The following SHMT2 variants were observed in gnomAD, a reference collection of about 807,000 sequenced individuals.
SHMT2 encodes serine hydroxymethyltransferase, mitochondrial.
Under a neutral mutation model 59.6 loss-of-function variants are expected in SHMT2, and 38 were observed. The observed-to-expected ratio is 0.64, with a 90% confidence interval of 0.49 to 0.84. SHMT2 has a LOEUF of 0.84. Among genes scored for constraint, SHMT2 ranks in the 40% least tolerant of loss-of-function variants. The pLI is 0.00. For missense variants in SHMT2, 533 were observed against 659.5 expected, an observed-to-expected ratio of 0.81 and a Z score of 2.10; for synonymous variants, 254 against 258.1, an observed-to-expected ratio of 0.98 and a Z score of 0.15.
In SHMT2 at chr12:57,233,568, C is replaced by T. The variant is rs1233583794; in HGVS notation, c.1029C>T (p.Cys343=). The part of the protein sequence containing the change: ...AAVAVALKQA[C]TPMFREYSLQ... ...TGCTACTGTCTCATCTCCAGGCCTG[C>T]ACCCCCATGTTCCGGGAGTACTCCC... The change falls in exon 9 of 12, where the codon TGC becomes TGT. Residue 343 remains cysteine (C), a synonymous_variant. Coordinates refer to ENST00000328923, the MANE Select transcript of SHMT2 (RefSeq NM_005412.6). 5 of 1,612,972 alleles carry T rather than the reference C, an allele frequency of 3.1e-6. No homozygotes were observed. The highest frequency in any genetic ancestry group is 4.2e-6 in the Non-Finnish European group (5 of 1,179,400).
At chr12:57,231,655 C>T (rs978885937) in intron 3 of SHMT2, 58 bp from the exon 4 acceptor site, 10 of 1,612,224 alleles carry the variant, frequency 6.2e-6, no homozygotes, top group Non-Finnish European at 8.5e-6. Context: ...CTTCCCAGTC[C>T]TTTGCTGATG....
intron 1 of SHMT2, chr12:57,230,300 C>G: frequency 8.6e-7 from 1 of 1,156,132 alleles, no homozygotes; most frequent in African/African-American, 1.6e-5. Flanking sequence ...AGATCCCCAC[C>G]CCCACCACTC....
At position 57,231,453 on chromosome 12, in the gene SHMT2, C is replaced by T. The variant is rs748170579; in HGVS notation, c.232-28C>T. On this transcript the variant is annotated intron_variant, in intron 2 of 11. Coordinates refer to ENST00000328923, the MANE Select transcript of SHMT2 (RefSeq NM_005412.6). Reference sequence around the variant, plus strand: ...GAGTCCAGGGGAAGGGGCTCAATACCTTCTGACATTGCCCCCCACCACCCC... The same window carrying T: ...GAGTCCAGGGGAAGGGGCTCAATACTTTCTGACATTGCCCCCCACCACCCC... 5 of 1,610,774 alleles carry T rather than the reference C, an allele frequency of 3.1e-6. No individual in the cohort carries two copies. In the South Asian group the frequency reaches 5.5e-5, roughly 18 times the overall value.
chr12:57,234,012 C>A lies in SHMT2; in HGVS notation c.1289C>A (p.Ala430Asp). 6.2e-7 allele frequency: 1 copy of A among 1,614,190 alleles called. No individual in the cohort carries two copies. Among genetic ancestry groups the A allele is most frequent in the Non-Finnish European group, 8.5e-7 (1 of 1,180,036 alleles). Reference sequence around the variant, plus strand: ...TTGTGCCTCGTTCCAGGGGCCCCAGCCTTAACTTCTCGACAGTTCCGTGAG... The same window carrying A: ...TTGTGCCTCGTTCCAGGGGCCCCAGACTTAACTTCTCGACAGTTCCGTGAG... Reference protein sequence around the residue: ...TPGGLRLGAPALTSRQFREDD... With the variant: ...TPGGLRLGAPDLTSRQFREDD... The change falls in exon 11 of 12, where the codon GCC (alanine) becomes GAC (aspartate). Residue 430 changes from alanine (A) to aspartate (D), a missense_variant. Transcript: ENST00000328923.
chr12:57,233,077 C>A, intron 7 of SHMT2, 103 bp from the exon 8 acceptor site: 1 of 1,377,802 alleles, frequency 7.3e-7, no homozygotes, highest in Non-Finnish European at 9.8e-7. Flanking sequence ...ACCAAGCCCA[C>A]GTGAGCTGTG....
rs866649122 is a variant in SHMT2 at position 57,233,887 on chromosome 12, C to T, written c.1262C>T (p.Pro421Leu). 17 of 1,614,180 alleles carry T rather than the reference C, an allele frequency of 1.1e-5. No individual in the cohort carries two copies. Among genetic ancestry groups the T allele is most frequent in the East Asian group, 2.2e-5 (1 of 44,882 alleles). The change falls in exon 10 of 12, where the codon CCG becomes CTG. Residue 421 changes from proline to leucine, a missense_variant. Coordinates refer to ENST00000328923, the MANE Select transcript of SHMT2 (RefSeq NM_005412.6). Reference protein sequence around the residue: ...TCPGDRSAITPGGLRLGAPAL... With the variant: ...TCPGDRSAITLGGLRLGAPAL... ...CCTGGAGACCGAAGTGCCATCACAC[C>T]GGGCGGCCTGCGGCTTGGTGAGACC... is the stretch of plus-strand genomic sequence containing the variant.
At chr12:57,232,025 C>T in intron 4 of SHMT2, 112 bp downstream of exon 4, 2 of 1,256,928 alleles carry the variant, frequency 1.6e-6, no homozygotes, top group Admixed American at 2.0e-5. Context: ...CTTGCCCTGT[C>T]CTGCATGTCA....
chr12:57,233,025 G>A, intron 7 of SHMT2, 155 bp from the exon 8 acceptor site: 1 of 1,223,406 alleles, frequency 8.2e-7, no homozygotes, highest in Non-Finnish European at 1.1e-6. Flanking sequence ...ATTTGTGGAT[G>A]GGATTGAGGG....
At position 57,233,325 on chromosome 12, in the gene SHMT2, G is replaced by A; in HGVS notation, c.1003G>A (p.Val335Ile). 3 of 1,600,674 alleles carry A rather than the reference G, an allele frequency of 1.9e-6. No homozygotes were observed. The highest frequency in any genetic ancestry group is 2.6e-6 in the Non-Finnish European group (3 of 1,173,800). Residue 335 changes from valine (V) to isoleucine (I), a missense_variant, in exon 8 of 12, where the codon GTA becomes ATA. By Grantham distance (29) the Val-to-Ile change is conservative. Coordinates refer to ENST00000328923, the MANE Select transcript of SHMT2 (RefSeq NM_005412.6). Reference sequence around the variant, plus strand: ...CCCCCACAATCATGCCATTGCTGCAGTAGCTGTGGCCCTAAAGCAGGTTGG... The same window carrying A: ...CCCCCACAATCATGCCATTGCTGCAATAGCTGTGGCCCTAAAGCAGGTTGG... ...GGPHNHAIAA[V>I]AVALKQACTP...
At chr12:57,233,418 G>T in intron 8 of SHMT2, 73 bp downstream of exon 8, 1 of 1,521,204 alleles carries the variant, frequency 6.6e-7, no homozygotes, top group Non-Finnish European at 8.9e-7. Context: ...CTTGCTAACT[G>T]ATGCTGGGGC....
intron 4 of SHMT2, 97 bp downstream of exon 4, chr12:57,232,010 C>T: frequency 7.4e-7 from 1 of 1,351,280 alleles, no homozygotes. Flanking sequence ...ACAGATGGAA[C>T]AGGCCTTGCC....
intron 2 of SHMT2, 43 bp from the exon 3 acceptor site, chr12:57,231,438 G>C: frequency 6.3e-7 from 1 of 1,598,810 alleles, no homozygotes; most frequent in Non-Finnish European, 8.6e-7. Flanking sequence ...GAGTCCAGGG[G>C]AAGGGGCTCA....
Position 57,232,307 on chromosome 12 carries a change from G to T in SHMT2, c.594+15G>T, listed in dbSNP as rs1321431320. On this transcript the variant is annotated intron_variant, in intron 5 of 11. Transcript: ENST00000328923. ...ATAAGCTCAACGTGAGTGCTCTAGG[G>T]TGTGGGGAGGGGCTCTTGGCCCTGG... is the stretch of plus-strand genomic sequence containing the variant. 1 of 1,613,636 alleles carries T rather than the reference G, an allele frequency of 6.2e-7. No individual in the cohort carries two copies. Among genetic ancestry groups the T allele is most frequent in the Non-Finnish European group, 8.5e-7 (1 of 1,179,524 alleles).
In SHMT2 at chr12:57,231,475, C is replaced by T. The variant is rs200344390; in HGVS notation, c.232-6C>T. On this transcript the variant is annotated splice_polypyrimidine_tract_variant and splice_region_variant and intron_variant, in intron 2 of 11. Coordinates refer to ENST00000328923, the MANE Select transcript of SHMT2 (RefSeq NM_005412.6). Reference sequence around the variant, plus strand: ...TACCTTCTGACATTGCCCCCCACCACCCCAGAACTTCTGCAGCCGAGCTGC... The same window carrying T: ...TACCTTCTGACATTGCCCCCCACCATCCCAGAACTTCTGCAGCCGAGCTGC... The T allele has an allele frequency of 3.6e-5, 58 of 1,613,630 alleles. No individual in the cohort carries two copies. Among genetic ancestry groups the T allele is most frequent in the Non-Finnish European group, 4.7e-5 (56 of 1,179,860 alleles).
chr12:57,232,606 T>A (rs1441838559), intron 6 of SHMT2, 31 bp downstream of exon 6: 1 of 1,613,508 alleles, frequency 6.2e-7, no homozygotes, highest in South Asian at 1.1e-5. Context: ...ACTGGGCACC[T>A]CCCCAGGGGG....
chr12:57,230,154 C>T (rs747122200), intron 1 of SHMT2: 27 of 1,312,824 alleles, frequency 2.1e-5, no homozygotes, highest in Non-Finnish European at 2.7e-5. Flanking sequence ...TTCCGGCCAG[C>T]TCTGAGCCCT....
intron 1 of SHMT2, 69 bp downstream of exon 1, chr12:57,229,880 T>A (rs2037241709): frequency 6.3e-7 from 1 of 1,597,518 alleles, no homozygotes; most frequent in African/African-American, 1.3e-5. Context: ...TAGTTCCTAG[T>A]CACAAACTCT....
chr12:57,229,792 CTT>C lies in SHMT2; in HGVS notation c.16_17del (p.Leu6ValfsTer47). ...TTCCGAGTTGCGATGCTGTACTTCT[CTT>C]TGTTTTGGGCGGCTCGGGTAAGAAT... On this transcript the variant is annotated frameshift_variant, in exon 1 of 12. Transcript: ENST00000328923. LOFTEE classifies it high-confidence loss of function. 6.2e-7 allele frequency: 1 copy of C among 1,614,204 alleles called. No individual in the cohort carries two copies. The highest frequency in any genetic ancestry group is 1.6e-4 in the Middle Eastern group (1 of 6,062).
rs781171108 is a variant in SHMT2, at chr12:57,233,815, A to G, written c.1190A>G (p.Glu397Gly). The G allele has an allele frequency of 1.6e-5, 26 of 1,614,078 alleles. No homozygotes were observed. Among genetic ancestry groups the G allele is most frequent in the Non-Finnish European group, 2.5e-6 (3 of 1,180,030 alleles). The change falls in exon 10 of 12, where the codon GAG becomes GGG. Residue 397 changes from glutamate to glycine, a missense_variant. Coordinates refer to ENST00000328923, the MANE Select transcript of SHMT2 (RefSeq NM_005412.6). The part of the protein sequence containing the change: ...RPKGLDGARA[E>G]RVLELVSITA... The stretch of plus-strand genomic sequence containing the variant: ...AAGGGCCTGGATGGAGCTCGGGCTG[A>G]GCGGGTGCTAGAGCTTGTATCCATC...
Sources: gnomAD v4.1 joint callset for allele counts on GRCh38, gnomAD v4.1.1 for gene constraint, MANE v1.5 for transcripts, NCBI Gene and HGNC (gene_info 2026-07-23, HGNC 2026-07-21) for gene names.